Variants in MDFIC2 observed in about 807,000 individuals in gnomAD.
MDFIC2 encodes myoD family inhibitor domain-containing protein 2.
At chr3:70,238,349 T>A (rs551805643) in intron 2 of MDFIC2, among the ~76,000 whole-genome samples, 1 of 152,148 alleles carries the variant, frequency 6.6e-6, no homozygotes, top group South Asian at 2.1e-4. Context: ...GGCTCACACC[T>A]GTAACTCCAA....
intron 2 of MDFIC2, among the ~76,000 whole-genome samples, chr3:70,285,696 T>C (rs1466544750): frequency 1.3e-5 from 2 of 150,248 alleles, no homozygotes; most frequent in African/African-American, 4.9e-5. Context: ...TGTTCCTATT[T>C]CTCCACATCC....
intron 2 of MDFIC2, among the ~76,000 whole-genome samples, chr3:70,231,849 C>T (rs1172558278): frequency 6.6e-6 from 1 of 152,156 alleles, no homozygotes; most frequent in Non-Finnish European, 1.5e-5. Flanking sequence ...CTGGAAGCTA[C>T]TAAACAGGCC....
intron 2 of MDFIC2, among the ~76,000 whole-genome samples, chr3:70,281,587 C>T (rs1342596068): frequency 6.6e-6 from 1 of 152,056 alleles, no homozygotes; most frequent in Non-Finnish European, 1.5e-5. Context: ...AAACAAATTG[C>T]TCTAGTTATG....
chr3:70,209,240 T>C (rs1340380168), intron 2 of MDFIC2, among the ~76,000 whole-genome samples: 2 of 152,032 alleles, frequency 1.3e-5, no homozygotes, highest in Non-Finnish European at 2.9e-5. Flanking sequence ...GGATGTTTAG[T>C]GGTATCGTAG....
chr3:70,244,359 A>G (rs1701686853), intron 2 of MDFIC2, among the ~76,000 whole-genome samples: 2 of 152,204 alleles, frequency 1.3e-5, no homozygotes, highest in Non-Finnish European at 2.9e-5. Flanking sequence ...AGTGAGTTAC[A>G]TCTATTATAT....
At chr3:70,257,432 G>A (rs1701827670) in intron 2 of MDFIC2, among the ~76,000 whole-genome samples, 1 of 151,870 alleles carries the variant, frequency 6.6e-6, no homozygotes, top group Admixed American at 6.6e-5. Context: ...TGGCCAAGAA[G>A]CAAAGAAGAA....
At chr3:70,219,536 T>C (rs6802014) in intron 2 of MDFIC2, among the ~76,000 whole-genome samples, 49,494 of 151,942 alleles carry the variant, frequency 0.33, 10,469 homozygotes, top group Non-Finnish European at 0.47. Context: ...ATTGCAAGAA[T>C]AAGTTTGTAA....
Position 70,198,878 on chromosome 3 carries a change from T to C in MDFIC2, c.311-1693A>G, listed in dbSNP as rs369409223. Among the ~76,000 whole-genome samples the C allele has an allele frequency of 9.2e-5, 14 of 152,128 alleles. No individual in the cohort carries two copies. The East Asian group carries it at 2.1e-3, about 23-fold the overall frequency. ...AGTCACCACAAACCTCCCACAAAAA[T>C]GCAAGAGTAAGTTAGTAATAGTATA... On this transcript the variant is annotated intron_variant, in intron 3 of 3. Coordinates refer to ENST00000567252, the MANE Select transcript of MDFIC2 (RefSeq NM_001364677.1).
intron 2 of MDFIC2, among the ~76,000 whole-genome samples, chr3:70,308,207 C>T (rs1039665495): frequency 4.0e-5 from 6 of 151,784 alleles, no homozygotes; most frequent in African/African-American, 1.2e-4. Context: ...TATGCCATTA[C>T]ACCCAGCTAA....
At chr3:70,293,040 T>C (rs1461867974) in intron 2 of MDFIC2, among the ~76,000 whole-genome samples, 1 of 105,712 alleles carries the variant, frequency 9.5e-6, no homozygotes, top group African/African-American at 4.0e-5. Context: ...TTCTGTGGTT[T>C]GAAGCAAAAA....
rs187753360 is a variant in MDFIC2 at position 70,220,582 on chromosome 3, G to A, written c.89-13792C>T. 6.6e-5 allele frequency among the ~76,000 whole-genome samples: 10 copies of A among 152,268 alleles called. No individual in the cohort carries two copies. The East Asian group carries it at 1.7e-3, about 27-fold the overall frequency. ...TCAACATACAAAACTAACCCTGGTT[G>A]GAAACATAGTCAGGACCCAGGAAGT... is the stretch of plus-strand genomic sequence containing the variant. On this transcript the variant is annotated intron_variant, in intron 2 of 3. Coordinates refer to ENST00000567252, the MANE Select transcript of MDFIC2 (RefSeq NM_001364677.1).
At chr3:70,225,782 T>G in intron 2 of MDFIC2, among the ~76,000 whole-genome samples, 1 of 152,216 alleles carries the variant, frequency 6.6e-6, no homozygotes, top group East Asian at 1.9e-4. Flanking sequence ...TAAAAAAATG[T>G]CATTTGTCAG....
chr3:70,200,392 A>G (rs7427775), intron 3 of MDFIC2, among the ~76,000 whole-genome samples: 125,625 of 152,114 alleles, frequency 0.83, 53,126 homozygotes, highest in Non-Finnish European at 0.92. Flanking sequence ...GACCTACTTT[A>G]CTTACTTCAC....
At chr3:70,288,496 G>A (rs1702191347) in intron 2 of MDFIC2, among the ~76,000 whole-genome samples, 1 of 150,734 alleles carries the variant, frequency 6.6e-6, no homozygotes, top group Admixed American at 6.6e-5. Context: ...GTCAATTTTG[G>A]AATAGGTGTG....
At position 70,299,040 on chromosome 3, in the gene MDFIC2, G is replaced by T. The variant is rs550149307; in HGVS notation, c.88+12846C>A. On this transcript the variant is annotated intron_variant, in intron 2 of 3. Transcript: ENST00000567252. Reference sequence around the variant, plus strand: ...GTAAGGTGTGAGGATCTCACGTGGTGCTTTGGGTTAGCCAGATTATAAGGA... The same window carrying T: ...GTAAGGTGTGAGGATCTCACGTGGTTCTTTGGGTTAGCCAGATTATAAGGA... 4.6e-5 allele frequency among the ~76,000 whole-genome samples: 7 copies of T among 152,208 alleles called. 1 individual carries two copies. Among genetic ancestry groups the T allele is most frequent in the East Asian group, 1.9e-4 (1 of 5,176 alleles).
intron 2 of MDFIC2, among the ~76,000 whole-genome samples, chr3:70,243,307 A>G (rs1701678386): frequency 6.6e-6 from 1 of 151,792 alleles, no homozygotes; most frequent in Admixed American, 6.6e-5. Context: ...TCAAGCAATA[A>G]TTTTCATTTT....
chr3:70,268,280 G>T (rs969419869), intron 2 of MDFIC2, among the ~76,000 whole-genome samples: 3 of 151,998 alleles, frequency 2.0e-5, no homozygotes, highest in Non-Finnish European at 4.4e-5. Flanking sequence ...CGACCAGCCT[G>T]GACAGCACGG....
At chr3:70,229,900 T>C (rs1701542422) in intron 2 of MDFIC2, among the ~76,000 whole-genome samples, 1 of 152,210 alleles carries the variant, frequency 6.6e-6, no homozygotes, top group Admixed American at 6.5e-5. Flanking sequence ...ACAACTTATA[T>C]GTGAATTAAT....
chr3:70,257,774 A>C (rs1701830171), intron 2 of MDFIC2, among the ~76,000 whole-genome samples: 2 of 152,190 alleles, frequency 1.3e-5, no homozygotes, highest in South Asian at 2.1e-4. Flanking sequence ...CCCAATAAAA[A>C]TCCCAGCAGC....
Sources: allele counts gnomAD v4.1 joint callset (sites outside exome capture counted in the v4.1 genomes callset), GRCh38; gene constraint gnomAD v4.1.1; transcripts MANE v1.5; gene names NCBI Gene and HGNC (gene_info 2026-07-23, HGNC 2026-07-21).